The following HMCN1 variants were observed in gnomAD, a reference collection of about 807,000 sequenced individuals.
HMCN1 encodes hemicentin-1.
Under a neutral mutation model 625.9 loss-of-function variants are expected in HMCN1, and 321 were observed. The ratio of observed to expected loss-of-function variants is 0.51; its 90% confidence interval spans 0.47 to 0.56. HMCN1 has a LOEUF of 0.56. HMCN1 is among the 20% of genes least tolerant of loss of function. HMCN1 has a pLI of 0.00. For synonymous variants in HMCN1, 2,425 were observed against 2,417.6 expected, an observed-to-expected ratio of 1.00 and a Z score of -0.09; for missense variants, 6,588 against 6,887.3, an observed-to-expected ratio of 0.96 and a Z score of 1.54.
intron 6 of HMCN1, 73 bp downstream of exon 6, chr1:185,911,853 GTT>G: frequency 8.8e-7 from 1 of 1,139,422 alleles, no homozygotes; most frequent in Non-Finnish European, 1.3e-6. Flanking sequence ...ATACACAATG[GTT>G]TTTTTAAACA....
intron 11 of HMCN1, among the ~76,000 whole-genome samples, chr1:185,951,062 G>T (rs1410691749): frequency 6.6e-6 from 1 of 151,532 alleles, no homozygotes; most frequent in African/African-American, 2.4e-5. Context: ...TGGGGTAAGG[G>T]TGATTAGGTT....
At chr1:185,911,852 G>C (rs976541516) in intron 6 of HMCN1, 72 bp downstream of exon 6, 2 of 1,155,026 alleles carry the variant, frequency 1.7e-6, no homozygotes, top group African/African-American at 3.0e-5. Flanking sequence ...TATACACAAT[G>C]GTTTTTTTAA....
intron 97 of HMCN1, among the ~76,000 whole-genome samples, chr1:186,162,878 G>A (rs1213770227): frequency 6.6e-6 from 1 of 152,230 alleles, no homozygotes; most frequent in Non-Finnish European, 1.5e-5. Context: ...ACTTGAGGAG[G>A]CAGTCTGCCC....
intron 30 of HMCN1, among the ~76,000 whole-genome samples, chr1:186,008,612 T>C (rs971581133): frequency 1.3e-5 from 2 of 152,146 alleles, no homozygotes; most frequent in African/African-American, 2.4e-5. Flanking sequence ...TGCCACTGAC[T>C]AGCTTTGTAA....
rs752516803 is a variant in HMCN1, at chr1:186,137,957, A to G, written c.13909A>G (p.Ile4637Val). The G allele has an allele frequency of 3.9e-5, 63 of 1,613,920 alleles. No individual in the cohort carries two copies. The Middle Eastern group carries it at 4.9e-4, about 13-fold the overall frequency. The change falls in exon 89 of 107, where the codon ATT (isoleucine) becomes GTT (valine). Residue 4637 changes from isoleucine to valine, a missense_variant. Physicochemically the swap from Ile to Val is conservative, Grantham distance 29. Transcript: ENST00000271588. ...GNAVEIIMCN[I>V]RPCPVHGAWS... ...TGCTGTGGAAATAATTATGTGCAAC[A>G]TTAGGCCTTGCCCAGGTGAGAAACC...
chr1:185,787,224 G>C (rs1442951920), intron 1 of HMCN1, among the ~76,000 whole-genome samples: 1 of 151,818 alleles, frequency 6.6e-6, no homozygotes. Context: ...AAGGCAGACA[G>C]AAAATATTTA....
chr1:185,920,035 T>C (rs575363171), intron 6 of HMCN1, among the ~76,000 whole-genome samples: 7 of 152,208 alleles, frequency 4.6e-5, no homozygotes, highest in African/African-American at 7.2e-5. Context: ...GTGAAAACAA[T>C]AGCTTACTTT....
At chr1:185,973,890 G>C (rs577392211) in intron 15 of HMCN1, among the ~76,000 whole-genome samples, 1 of 152,112 alleles carries the variant, frequency 6.6e-6, no homozygotes, top group Non-Finnish European at 1.5e-5. Context: ...TTGCGGTTTG[G>C]TGGAACCAAA....
chr1:186,187,972 C>T lies in HMCN1; in HGVS notation c.16504C>T (p.Pro5502Ser). 1 of 1,613,850 alleles carries T rather than the reference C, an allele frequency of 6.2e-7. No homozygotes were observed. Among genetic ancestry groups the T allele is most frequent in the Non-Finnish European group, 8.5e-7 (1 of 1,179,802 alleles). Residue 5502 changes from proline (P) to serine (S), a missense_variant, in exon 106 of 107, where the codon CCC (proline) becomes TCC (serine). Transcript: ENST00000271588. ...AGGAAGCTACCAGTGCATCGATACACCCTGTCCACCCAACTACCAACGGGA... is the reference window on the plus strand; with the variant it reads ...AGGAAGCTACCAGTGCATCGATACATCCTGTCCACCCAACTACCAACGGGA... Reference protein sequence around the residue: ...MRGSYQCIDTPCPPNYQRDPV... With the variant: ...MRGSYQCIDTSCPPNYQRDPV...
rs370361963 is a variant in HMCN1, at chr1:186,088,765, G to T, written c.9727+10G>T. 5 of 1,601,970 alleles carry T rather than the reference G, an allele frequency of 3.1e-6. No individual in the cohort carries two copies. The highest frequency in any genetic ancestry group is 4.3e-6 in the Non-Finnish European group (5 of 1,171,966). ...TTTCTTTCAATTCAAGGTATGTATT[G>T]TCCACTATGATCTATCTTCAATTTC... is the stretch of plus-strand genomic sequence containing the variant. On this transcript the variant is annotated intron_variant, in intron 63 of 106. Transcript: ENST00000271588.
intron 1 of HMCN1, among the ~76,000 whole-genome samples, chr1:185,754,869 A>T (rs1348929769): frequency 6.6e-6 from 1 of 152,150 alleles, no homozygotes; most frequent in Non-Finnish European, 1.5e-5. Context: ...AAAATAAAAT[A>T]AAAAACAATA....
chr1:186,057,091 T>A, intron 45 of HMCN1, 143 bp from the exon 46 acceptor site: 1 of 697,866 alleles, frequency 1.4e-6, no homozygotes, highest in South Asian at 1.6e-5. Flanking sequence ...ATTGCTTATT[T>A]TGCTTACTAT....
intron 1 of HMCN1, among the ~76,000 whole-genome samples, chr1:185,762,524 A>T (rs1294750262): frequency 1.3e-5 from 2 of 152,146 alleles, no homozygotes; most frequent in African/African-American, 4.8e-5. Context: ...ATAAATAAGA[A>T]AAGTGGGGAA....
intron 4 of HMCN1, among the ~76,000 whole-genome samples, chr1:185,887,003 T>A (rs1432647533): frequency 1.3e-5 from 2 of 152,150 alleles, no homozygotes; most frequent in African/African-American, 4.8e-5. Flanking sequence ...CCCCCACACA[T>A]GCTGGGTACT....
intron 4 of HMCN1, among the ~76,000 whole-genome samples, chr1:185,892,431 T>C (rs944964238): frequency 6.6e-6 from 1 of 151,810 alleles, no homozygotes; most frequent in Middle Eastern, 3.2e-3. Flanking sequence ...TTTTTCCCCA[T>C]CTTTGTGGTT....
At chr1:186,128,777 T>C (rs931645529) in intron 83 of HMCN1, among the ~76,000 whole-genome samples, 1 of 152,106 alleles carries the variant, frequency 6.6e-6, no homozygotes, top group Admixed American at 6.6e-5. Context: ...GTTAAGGTCG[T>C]GTCTGGAACC....
chr1:185,898,155 G>A (rs1020066546), intron 4 of HMCN1, among the ~76,000 whole-genome samples: 1 of 152,144 alleles, frequency 6.6e-6, no homozygotes, highest in South Asian at 2.1e-4. Context: ...TCACCTATGG[G>A]CGTAATACAG....
chr1:186,009,137 T>C (rs1034967984), intron 30 of HMCN1, among the ~76,000 whole-genome samples: 1 of 152,224 alleles, frequency 6.6e-6, no homozygotes, highest in African/African-American at 2.4e-5. Context: ...ATAGGTGCAA[T>C]ATTTTTCCCA....
chr1:186,145,270 T>G, intron 91 of HMCN1, 133 bp from the exon 92 acceptor site: 1 of 831,258 alleles, frequency 1.2e-6, no homozygotes, highest in Non-Finnish European at 1.8e-6. Flanking sequence ...AAGTTGCCTA[T>G]TTATAGACTT....
Sources: gnomAD v4.1 joint callset for allele counts (sites outside exome capture counted in the v4.1 genomes callset) on GRCh38, gnomAD v4.1.1 for gene constraint, MANE v1.5 for transcripts, NCBI Gene and HGNC (gene_info 2026-07-23, HGNC 2026-07-21) for gene names.